Variants in NTM observed in about 807,000 individuals in gnomAD.
NTM encodes IgLON family member 2.
A neutral mutation model predicts 42.1 loss-of-function variants in NTM; 13 were observed. The observed-to-expected ratio is 0.31, with a 90% CI of 0.20 to 0.49. The LOEUF is 0.49. Among genes scored for constraint, NTM ranks in the 20% least tolerant of loss-of-function variants. The pLI, the probability that NTM is intolerant of heterozygous loss-of-function variation, is 0.99. For synonymous variants in NTM, 187 were observed against 179.2 expected (o/e 1.04, Z -0.35); for missense variants, 373 against 452.8 (o/e 0.82, Z 1.60).
chr11:132,190,978 T>A (rs1263493611), intron 3 of NTM, among the ~76,000 whole-genome samples: 3 of 152,094 alleles, frequency 2.0e-5, no homozygotes, highest in Admixed American at 2.0e-4. Context: ...TTTTAATTAC[T>A]CTAGTCATGA....
intron 1 of NTM, among the ~76,000 whole-genome samples, chr11:131,863,551 G>T (rs1172187372): frequency 6.6e-6 from 1 of 152,226 alleles, no homozygotes; most frequent in African/African-American, 2.4e-5. Flanking sequence ...CAGAAATATA[G>T]TCGAATGCAA....
At chr11:132,208,916 G>C (rs534805239) in intron 3 of NTM, among the ~76,000 whole-genome samples, 1 of 152,078 alleles carries the variant, frequency 6.6e-6, no homozygotes, top group Non-Finnish European at 1.5e-5. Flanking sequence ...TTGAAGCAAC[G>C]TCTGCAAGGC....
At chr11:132,234,020 A>T (rs781720820) in intron 4 of NTM, among the ~76,000 whole-genome samples, 90 of 152,298 alleles carry the variant, frequency 5.9e-4, no homozygotes, top group Non-Finnish European at 1.1e-3. Flanking sequence ...CTACAACAAG[A>T]CACTTTCTTG....
intron 1 of NTM, among the ~76,000 whole-genome samples, chr11:131,572,317 A>G (rs2057520106): frequency 6.6e-6 from 1 of 152,184 alleles, no homozygotes; most frequent in South Asian, 2.1e-4. Context: ...CCCAGAACCC[A>G]GGATCCTTCT....
intron 1 of NTM, among the ~76,000 whole-genome samples, chr11:131,640,309 A>C (rs1254880776): frequency 1.3e-5 from 2 of 152,224 alleles, no homozygotes; most frequent in African/African-American, 2.4e-5. Context: ...ACTAAGAGCA[A>C]AAATGGGTTC....
intron 2 of NTM, among the ~76,000 whole-genome samples, chr11:131,927,468 A>G (rs147798554): frequency 1.2e-4 from 18 of 152,302 alleles, no homozygotes; most frequent in African/African-American, 4.1e-4. Flanking sequence ...CTAGATGGGA[A>G]GTGTATATAT....
chr11:131,762,391 G>T (rs937641626), intron 1 of NTM, among the ~76,000 whole-genome samples: 1 of 152,238 alleles, frequency 6.6e-6, no homozygotes, highest in Non-Finnish European at 1.5e-5. Flanking sequence ...ATACCCAGGG[G>T]TGGAGACAAA....
intron 3 of NTM, among the ~76,000 whole-genome samples, chr11:132,183,974 C>T (rs561046671): frequency 7.9e-5 from 12 of 151,016 alleles, no homozygotes; most frequent in Admixed American, 6.0e-4. Flanking sequence ...ATGAAAAAAT[C>T]CTTCAGAAAA....
intron 3 of NTM, among the ~76,000 whole-genome samples, chr11:132,165,226 C>T (rs1389935225): frequency 1.3e-5 from 2 of 152,176 alleles, no homozygotes; most frequent in Non-Finnish European, 2.9e-5. Context: ...TCCCTTACCA[C>T]CCCAAATTCC....
At chr11:131,397,099 C>CA (rs1467232869) in intron 1 of NTM, among the ~76,000 whole-genome samples, 1 of 152,136 alleles carries the variant, frequency 6.6e-6, no homozygotes, top group Admixed American at 6.5e-5. Context: ...CTTGTCTTGT[C>CA]AAGTGACATG....
chr11:131,462,270 C>T (rs1951451558), intron 1 of NTM, among the ~76,000 whole-genome samples: 2 of 152,060 alleles, frequency 1.3e-5, no homozygotes, highest in African/African-American at 4.8e-5. Flanking sequence ...TAAATGGGCA[C>T]AAGAGAATTT....
rs139516758 is a variant in NTM, at chr11:131,800,782, A to T, written c.83-110782A>T. Among the ~76,000 whole-genome samples, 512 of 152,246 alleles carry T rather than the reference A, an allele frequency of 3.4e-3. 4 individuals are homozygous for T. The highest frequency in any genetic ancestry group is 0.012 in the African/African-American group (492 of 41,550). On this transcript the variant is annotated intron_variant, in intron 1 of 8. Coordinates refer to ENST00000683400, the MANE Select transcript of NTM (RefSeq NM_001352005.2). Reference sequence around the variant, plus strand: ...ACAGCAATTTTCCTGCAGACATCACAACCTCCAAAAACTCTACCCTAATCA... The same window carrying T: ...ACAGCAATTTTCCTGCAGACATCACTACCTCCAAAAACTCTACCCTAATCA...
chr11:131,946,377 T>A (rs1359767858), intron 2 of NTM, among the ~76,000 whole-genome samples: 3 of 152,210 alleles, frequency 2.0e-5, no homozygotes, highest in Non-Finnish European at 4.4e-5. Flanking sequence ...GAGAGGAGAA[T>A]GCACCTAAGG....
chr11:132,260,385 C>T (rs904730134), intron 4 of NTM, among the ~76,000 whole-genome samples: 1 of 152,120 alleles, frequency 6.6e-6, no homozygotes, highest in East Asian at 1.9e-4. Flanking sequence ...AGTCTTTCCA[C>T]AGCATCATGC....
At chr11:131,851,322 G>T (rs969350493) in intron 1 of NTM, among the ~76,000 whole-genome samples, 2 of 152,088 alleles carry the variant, frequency 1.3e-5, no homozygotes, top group Middle Eastern at 6.8e-3. Flanking sequence ...GTCCAGCACC[G>T]GCATTTCAGG....
At chr11:131,624,015 A>G (rs1207508462) in intron 1 of NTM, among the ~76,000 whole-genome samples, 1 of 152,174 alleles carries the variant, frequency 6.6e-6, no homozygotes, top group Non-Finnish European at 1.5e-5. Context: ...TCTTTCTGTG[A>G]AAGACAGTGA....
chr11:131,811,339 C>A (rs2092721728), intron 1 of NTM, among the ~76,000 whole-genome samples: 1 of 152,086 alleles, frequency 6.6e-6, no homozygotes, highest in South Asian at 2.1e-4. Flanking sequence ...TAACCCAGAC[C>A]CAAGCAGTGA....
chr11:131,816,607 C>A (rs1224700187), intron 1 of NTM, among the ~76,000 whole-genome samples: 1 of 151,800 alleles, frequency 6.6e-6, no homozygotes, highest in Non-Finnish European at 1.5e-5. Context: ...AAATAAGGAA[C>A]CTGAGTCTTG....
rs561607226 is a variant in NTM at position 131,714,717 on chromosome 11, A to T, written c.83-196847A>T. On this transcript the variant is annotated intron_variant, in intron 1 of 8. Coordinates refer to ENST00000683400, the MANE Select transcript of NTM (RefSeq NM_001352005.2). ...TATTTGGAGTAGCACAGTGTAAGTC[A>T]TGTGTCCCATCTCTTCATGTACAGT... Among the ~76,000 whole-genome samples, 265 of 152,238 alleles carry T rather than the reference A, an allele frequency of 1.7e-3. 1 individual carries two copies. The highest frequency in any genetic ancestry group is 6.2e-3 in the African/African-American group (259 of 41,542).
Sources: gnomAD v4.1 joint callset for allele counts (sites outside exome capture counted in the v4.1 genomes callset) on GRCh38, gnomAD v4.1.1 for gene constraint, MANE v1.5 for transcripts, NCBI Gene and HGNC (gene_info 2026-07-23, HGNC 2026-07-21) for gene names.